The following SPECC1L variants were observed in gnomAD, a reference collection of about 807,000 sequenced individuals.
SPECC1L encodes cytospin-A.
Under a neutral mutation model 116.8 loss-of-function variants are expected in SPECC1L, and 40 were observed. The observed-to-expected ratio is 0.34, with a 90% confidence interval of 0.27 to 0.45. SPECC1L has a LOEUF of 0.45. Among genes scored for constraint, SPECC1L ranks in the 20% least tolerant of loss-of-function variants. The pLI is 1.00. For synonymous variants in SPECC1L, 504 were observed against 500.6 expected, an observed-to-expected ratio of 1.01 and a Z score of -0.09; for missense variants, 1,110 against 1,373.6, an observed-to-expected ratio of 0.81 and a Z score of 3.03.
Position 24,322,448 on chromosome 22 carries a change from G to C in SPECC1L, c.1468G>C (p.Glu490Gln), listed in dbSNP as rs781499696. 3 of 1,614,036 alleles carry C rather than the reference G, an allele frequency of 1.9e-6. No individual in the cohort carries two copies. The African/African-American group carries it at 4.0e-5, about 22-fold the overall frequency. Residue 490 changes from glutamate to glutamine, a missense_variant, in exon 5 of 17, where the codon GAA becomes CAA. Glu to Gln is a conservative substitution (Grantham distance 29, BLOSUM62 2). Coordinates refer to ENST00000314328, the MANE Select transcript of SPECC1L (RefSeq NM_015330.6). ...AGATGTAAAAAGTGGGCGCTATATGGAATTAGAGCAACGTTACATGGACCT... is the reference window on the plus strand; with the variant it reads ...AGATGTAAAAAGTGGGCGCTATATGCAATTAGAGCAACGTTACATGGACCT... The part of the protein sequence containing the change: ...DEDVKSGRYM[E>Q]LEQRYMDLAE...
At chr22:24,358,463 A>G (rs1014736518) in intron 11 of SPECC1L, among the ~76,000 whole-genome samples, 1 of 152,168 alleles carries the variant, frequency 6.6e-6, no homozygotes, top group African/African-American at 2.4e-5. Context: ...TGTTTTAGCA[A>G]GCAGTTAACT....
chr22:24,345,442 T>C (rs1159392947), intron 10 of SPECC1L, among the ~76,000 whole-genome samples: 2 of 151,980 alleles, frequency 1.3e-5, no homozygotes, highest in Non-Finnish European at 2.9e-5. Flanking sequence ...TAAAAGCAAG[T>C]TGATAAATTA....
intron 9 of SPECC1L, 130 bp from the exon 10 acceptor site, chr22:24,338,256 A>C: frequency 3.5e-6 from 3 of 866,638 alleles, no homozygotes; most frequent in Non-Finnish European, 5.9e-6. Context: ...AGCAGAGGCT[A>C]GACATCAGCC....
In SPECC1L at chr22:24,404,749, CG is replaced by C. The variant is rs1467940234; in HGVS notation, c.3088-6838del. On this transcript the variant is annotated intron_variant, in intron 14 of 16. Transcript: ENST00000314328. ...CTTGAGCCCTGGCCCATGTCAAGTC[CG>C]TGTGTCAGCCCTGTCCAGCAAGATG... Among the ~76,000 whole-genome samples the C allele has an allele frequency of 1.1e-4, 16 of 152,286 alleles. No homozygotes were observed. The East Asian group carries it at 3.1e-3, about 29-fold the overall frequency.
chr22:24,346,458 C>G (rs11090320), intron 10 of SPECC1L, among the ~76,000 whole-genome samples: 26,927 of 152,174 alleles, frequency 0.18, 2,914 homozygotes, highest in Admixed American at 0.24. Flanking sequence ...TTATTTGAAC[C>G]AGGACTTGAA....
intron 11 of SPECC1L, among the ~76,000 whole-genome samples, chr22:24,359,522 G>A (rs1455520260): frequency 6.6e-6 from 1 of 152,008 alleles, no homozygotes; most frequent in African/African-American, 2.4e-5. Flanking sequence ...CGGCAAGTCT[G>A]TTGATTCTGC....
chr22:24,284,093 G>C (rs1462129590), intron 2 of SPECC1L, among the ~76,000 whole-genome samples: 1 of 152,018 alleles, frequency 6.6e-6, no homozygotes, highest in Non-Finnish European at 1.5e-5. Context: ...TTTTTGCTTA[G>C]ATGTTTATTC....
chr22:24,354,670 C>CTT (rs531632375), intron 11 of SPECC1L, among the ~76,000 whole-genome samples: 6 of 139,906 alleles, frequency 4.3e-5, no homozygotes, highest in East Asian at 4.2e-4. Context: ...TCTGGTTACT[C>CTT]TTTTTTTTTT....
At chr22:24,367,351 C>A (rs1223901909) in intron 13 of SPECC1L, among the ~76,000 whole-genome samples, 1 of 152,198 alleles carries the variant, frequency 6.6e-6, no homozygotes, top group African/African-American at 2.4e-5. Flanking sequence ...GCAAGCTTCT[C>A]CAACCCGCAG....
intron 14 of SPECC1L, among the ~76,000 whole-genome samples, chr22:24,375,813 A>G (rs1417208584): frequency 6.6e-6 from 1 of 152,088 alleles, no homozygotes; most frequent in Non-Finnish European, 1.5e-5. Context: ...AGCCAGGTGT[A>G]GTGGCACACA....
At chr22:24,361,450 C>T (rs2041641578) in intron 11 of SPECC1L, among the ~76,000 whole-genome samples, 1 of 152,052 alleles carries the variant, frequency 6.6e-6, no homozygotes, top group Admixed American at 6.6e-5. Context: ...CTCCTGTAAT[C>T]CCAGCACTTT....
chr22:24,305,146 G>A (rs2049466300), intron 3 of SPECC1L, among the ~76,000 whole-genome samples: 1 of 152,196 alleles, frequency 6.6e-6, no homozygotes. Flanking sequence ...AAAATGCAGA[G>A]TTGTGTTTTG....
In SPECC1L at chr22:24,363,675, C is replaced by T. The variant is rs1322589305; in HGVS notation, c.2827+331C>T. Among the ~76,000 whole-genome samples the T allele has an allele frequency of 2.0e-5, 3 of 152,030 alleles. No homozygotes were observed. The East Asian group carries it at 5.8e-4, about 29-fold the overall frequency. ...CTGAGAGGTTTTCTCATCCAGTTTC[C>T]TAGCACACCACTTAAAAGAAACTAC... is the stretch of plus-strand genomic sequence containing the variant. On this transcript the variant is annotated intron_variant, in intron 12 of 16. Coordinates refer to ENST00000314328, the MANE Select transcript of SPECC1L (RefSeq NM_015330.6).
intron 10 of SPECC1L, among the ~76,000 whole-genome samples, 168 bp from the exon 11 acceptor site, chr22:24,346,918 A>G (rs965209924): frequency 6.6e-6 from 1 of 152,240 alleles, no homozygotes; most frequent in Non-Finnish European, 1.5e-5. Context: ...ATTTTTAAAA[A>G]AAGTATATTG....
intron 11 of SPECC1L, among the ~76,000 whole-genome samples, chr22:24,360,184 A>G (rs1271632408): frequency 6.6e-6 from 1 of 152,234 alleles, no homozygotes; most frequent in East Asian, 1.9e-4. Context: ...GTAATACACT[A>G]ATCTTATTTC....
At position 24,334,424 on chromosome 22, in the gene SPECC1L, G is replaced by T; in HGVS notation, c.2411G>T (p.Arg804Leu). 1 of 1,614,122 alleles carries T rather than the reference G, an allele frequency of 6.2e-7. No individual in the cohort carries two copies. The highest frequency in any genetic ancestry group is 8.5e-7 in the Non-Finnish European group (1 of 1,180,010). Residue 804 changes from arginine to leucine, a missense_variant, in exon 9 of 17, where the codon CGA becomes CTA. By Grantham distance (102) the Arg-to-Leu change is moderately radical. Around this residue, in one of 4 missense-constraint regions of SPECC1L, gnomAD observed 575 missense variants for 682.4 expected, o/e 0.84. Transcript: ENST00000314328. ...EIKSRKQEEE[R>L]GRVYNYMNAV... ...ATTATTTTCAGGCAAGAGGAGGAGC[G>T]AGGCCGGGTATACAATTACATGAAT... is the stretch of plus-strand genomic sequence containing the variant.
rs554768237 is a variant in SPECC1L, at chr22:24,344,367, C to T, written c.2653-2719C>T. Among the ~76,000 whole-genome samples, 116 of 151,310 alleles carry T rather than the reference C, an allele frequency of 7.7e-4. 2 individuals carry two copies. The South Asian group carries it at 0.022, about 29-fold the overall frequency. On this transcript the variant is annotated intron_variant, in intron 10 of 16. Coordinates refer to ENST00000314328, the MANE Select transcript of SPECC1L (RefSeq NM_015330.6). The stretch of plus-strand genomic sequence containing the variant: ...TTAAAAAAAAAAACATTAATCTCAA[C>T]GTATTTAGAAAACTATTTGACAAAA...
chr22:24,374,584 T>C (rs910727344), intron 14 of SPECC1L, among the ~76,000 whole-genome samples: 6 of 121,078 alleles, frequency 5.0e-5, no homozygotes, highest in Admixed American at 2.3e-4. Flanking sequence ...TGAGAACACA[T>C]GGACACAGGA....
At chr22:24,351,419 G>C (rs1194677520) in intron 11 of SPECC1L, among the ~76,000 whole-genome samples, 1 of 152,214 alleles carries the variant, frequency 6.6e-6, no homozygotes, top group Non-Finnish European at 1.5e-5. Flanking sequence ...CAGATTAAAT[G>C]CATTAAGATT....
Sources: gnomAD v4.1 joint callset for allele counts (sites outside exome capture counted in the v4.1 genomes callset) on GRCh38, gnomAD v4.1.1 for gene constraint, gnomAD v4.1.1 regional missense constraint, MANE v1.5 for transcripts, NCBI Gene and HGNC (gene_info 2026-07-23, HGNC 2026-07-21) for gene names.